Variants in PXDNL observed in about 807,000 individuals in gnomAD.
PXDNL encodes the protein probable oxidoreductase PXDNL.
Under a neutral mutation model 150.8 loss-of-function variants are expected in PXDNL, and 145 were observed. That is an observed-to-expected ratio of 0.96 (90% confidence interval 0.84 to 1.10). The LOEUF (loss-of-function observed/expected upper bound fraction) is 1.10, where lower values mean the gene tolerates loss of function less well. PXDNL is among the 50% of genes least tolerant of loss of function. The probability of loss-of-function intolerance (pLI) is 0.00; values close to 1 mark genes in which losing one functional copy is unlikely to be tolerated. For missense variants in PXDNL, 2,087 were observed against 1,873.9 expected (o/e 1.11, Z -2.10); for synonymous variants, 757 against 725.7 (o/e 1.04, Z -0.69).
At chr8:51,349,002 A>G (rs1806251892) in intron 19 of PXDNL, among the ~76,000 whole-genome samples, 2 of 152,234 alleles carry the variant, frequency 1.3e-5, no homozygotes, top group African/African-American at 4.8e-5. Context: ...TCTAGTGTGG[A>G]AAGTAAAATG....
chr8:51,447,207 T>A, intron 11 of PXDNL, 45 bp from the exon 12 acceptor site: 1 of 1,590,868 alleles, frequency 6.3e-7, no homozygotes, highest in Non-Finnish European at 8.6e-7. Flanking sequence ...CCCAGAGCAC[T>A]GAAAGCCAGA....
chr8:51,713,994 A>C (rs2130904249), intron 1 of PXDNL, among the ~76,000 whole-genome samples: 1 of 152,338 alleles, frequency 6.6e-6, no homozygotes, highest in South Asian at 2.1e-4. Flanking sequence ...TGGAGTTTTC[A>C]AATGAAGAAA....
At chr8:51,552,036 A>T (rs1207314290) in intron 4 of PXDNL, among the ~76,000 whole-genome samples, 1 of 152,246 alleles carries the variant, frequency 6.6e-6, no homozygotes, top group Non-Finnish European at 1.5e-5. Context: ...GACAATGCTG[A>T]AAAGAAGGTA....
chr8:51,432,892 G>A (rs970814986), intron 12 of PXDNL, among the ~76,000 whole-genome samples: 10 of 152,110 alleles, frequency 6.6e-5, no homozygotes, highest in African/African-American at 2.2e-4. Flanking sequence ...TTGAGTACAT[G>A]CAATCTTCTT....
In PXDNL at chr8:51,457,588, A is replaced by T; in HGVS notation, c.892T>A (p.Ser298Thr). ...GTLMIRNTRE[S>T]DQGVYQCMAR... is the part of the protein sequence containing the mutation. ...ATGCACTGATAGACACCTTGGTCTGACTCTCTGGTGTTTCGGATCATGAGT... is the reference window on the plus strand; with the variant it reads ...ATGCACTGATAGACACCTTGGTCTGTCTCTCTGGTGTTTCGGATCATGAGT... The change falls in exon 9 of 23, where the codon TCA becomes ACA. Residue 298 changes from serine (S) to threonine (T), a missense_variant. Ser to Thr is a moderately conservative substitution (Grantham distance 58). Transcript: ENST00000356297. 2 of 1,613,430 alleles carry T rather than the reference A, an allele frequency of 1.2e-6. No individual in the cohort carries two copies.
rs2037390465 is a variant in PXDNL at position 51,779,609 on chromosome 8, G to A, written c.164+29572C>T. 1.3e-5 allele frequency among the ~76,000 whole-genome samples: 2 copies of A among 152,328 alleles called. 1 individual carries two copies. Among genetic ancestry groups the A allele is most frequent in the Middle Eastern group, 6.8e-3 (2 of 294 alleles). ...AAGAAAGGATGAGCAGAGACAGGGAGTGCTGATGGCACGCAGCTCCCAGTT... is the reference window on the plus strand; with the variant it reads ...AAGAAAGGATGAGCAGAGACAGGGAATGCTGATGGCACGCAGCTCCCAGTT... On this transcript the variant is annotated intron_variant, in intron 1 of 22. Coordinates refer to ENST00000356297, the MANE Select transcript of PXDNL (RefSeq NM_144651.5).
intron 12 of PXDNL, chr8:51,435,881 T>A (rs1809392982): frequency 2.1e-6 from 1 of 469,846 alleles, no homozygotes; most frequent in Non-Finnish European, 4.3e-6. Context: ...AAGCAGATAC[T>A]AAAATGGATC....
chr8:51,371,670 G>A (rs1807116957), intron 19 of PXDNL, among the ~76,000 whole-genome samples: 1 of 152,186 alleles, frequency 6.6e-6, no homozygotes, highest in South Asian at 2.1e-4. Flanking sequence ...AGGTTAGTGT[G>A]GAATGGAAGA....
intron 4 of PXDNL, among the ~76,000 whole-genome samples, chr8:51,539,201 T>C (rs577109243): frequency 1.3e-5 from 2 of 152,292 alleles, no homozygotes; most frequent in African/African-American, 4.8e-5. Flanking sequence ...TTCCATATGC[T>C]TTTTCTGCAT....
intron 20 of PXDNL, chr8:51,340,220 G>A (rs1805948193): frequency 6.6e-6 from 1 of 152,352 alleles, no homozygotes; most frequent in Non-Finnish European, 1.5e-5. Context: ...TACTATGAGT[G>A]ACAAAAATCT....
chr8:51,713,147 A>G (rs1816533917), intron 1 of PXDNL, among the ~76,000 whole-genome samples: 2 of 152,252 alleles, frequency 1.3e-5, no homozygotes, highest in African/African-American at 4.8e-5. Context: ...TAAAACAAGC[A>G]TACATTTGAA....
intron 10 of PXDNL, among the ~76,000 whole-genome samples, chr8:51,452,594 TG>T (rs1191840860): frequency 1.3e-5 from 2 of 152,214 alleles, no homozygotes; most frequent in Non-Finnish European, 2.9e-5. Context: ...TGGGGCTCAC[TG>T]TTCTGAAGCC....
At chr8:51,523,006 T>C (rs1210420104) in intron 4 of PXDNL, among the ~76,000 whole-genome samples, 1 of 152,194 alleles carries the variant, frequency 6.6e-6, no homozygotes, top group Non-Finnish European at 1.5e-5. Flanking sequence ...AACAGTGATA[T>C]CTTTTTATGA....
In PXDNL at chr8:51,551,535, C is replaced by T. The variant is rs1209272270; in HGVS notation, c.380+5305G>A. On this transcript the variant is annotated intron_variant, in intron 4 of 22. Transcript: ENST00000356297. ...AGAAATAAAGCCAAATACTTACAGC[C>T]AACTGATCTTTGGCAAAGCAAATAA... Among the ~76,000 whole-genome samples, 4 of 152,058 alleles carry T rather than the reference C, an allele frequency of 2.6e-5. No homozygotes were observed. In the East Asian group the frequency reaches 7.7e-4, roughly 29 times the overall value.
chr8:51,777,492 A>G (rs772838491), intron 1 of PXDNL, among the ~76,000 whole-genome samples: 5 of 152,232 alleles, frequency 3.3e-5, no homozygotes, highest in African/African-American at 4.8e-5. Flanking sequence ...AAAGTGGTCC[A>G]CTTATTTTCC....
intron 1 of PXDNL, among the ~76,000 whole-genome samples, chr8:51,691,092 G>A (rs1815986844): frequency 6.6e-6 from 1 of 152,152 alleles, no homozygotes; most frequent in Non-Finnish European, 1.5e-5. Flanking sequence ...TGAGCAGGTT[G>A]CAAAAGTTTT....
At chr8:51,669,216 T>C (rs1394428478) in intron 1 of PXDNL, among the ~76,000 whole-genome samples, 1 of 152,220 alleles carries the variant, frequency 6.6e-6, no homozygotes, top group African/African-American at 2.4e-5. Flanking sequence ...GGAAACTTAA[T>C]GTAGAAAGTT....
At chr8:51,592,558 A>G (rs77121718) in intron 3 of PXDNL, 69 bp downstream of exon 3, 17,804 of 921,288 alleles carry the variant, frequency 0.019, 767 homozygotes, top group African/African-American at 0.15. Context: ...TTTAAAGTAA[A>G]CACACACAAA....
chr8:51,355,201 A>G (rs1373489386), intron 19 of PXDNL, among the ~76,000 whole-genome samples: 1 of 152,224 alleles, frequency 6.6e-6, no homozygotes, highest in Non-Finnish European at 1.5e-5. Flanking sequence ...GTTAAGCATG[A>G]AAATACTACA....
Sources: gnomAD v4.1 joint callset for allele counts (sites outside exome capture counted in the v4.1 genomes callset) on GRCh38, gnomAD v4.1.1 for gene constraint, MANE v1.5 for transcripts, NCBI Gene and HGNC (gene_info 2026-07-23, HGNC 2026-07-21) for gene names.